The following ARHGAP10 variants were observed in gnomAD, a reference collection of about 807,000 sequenced individuals.
ARHGAP10 encodes Rho GTPase activating protein 10.
A neutral mutation model predicts 108.6 loss-of-function variants in ARHGAP10; 87 were observed. The observed-to-expected ratio is 0.80, with a 90% CI of 0.67 to 0.96. The LOEUF (loss-of-function observed/expected upper bound fraction) is 0.96. Ranked by LOEUF, ARHGAP10 falls within the 40% of genes least tolerant of loss-of-function variation. The pLI is 0.00. For synonymous variants in ARHGAP10, 347 were observed against 341.1 expected, an observed-to-expected ratio of 1.02 and a Z score of -0.19; for missense variants, 939 against 954.5, an observed-to-expected ratio of 0.98 and a Z score of 0.21.
chr4:147,879,927 T>C (rs1005339894), intron 9 of ARHGAP10, among the ~76,000 whole-genome samples: 2 of 152,240 alleles, frequency 1.3e-5, no homozygotes, highest in Non-Finnish European at 1.5e-5. Context: ...ACTGACTTGC[T>C]GTTCATAGCC....
intron 19 of ARHGAP10, among the ~76,000 whole-genome samples, chr4:148,032,153 A>ATATGAAAACTCAAAAAG (rs1728175290): frequency 6.6e-6 from 1 of 152,152 alleles, no homozygotes; most frequent in Admixed American, 6.5e-5. Flanking sequence ...ATATTACCAT[A>ATATGAAAACTCAAAAAG]TATGAAAACT....
At chr4:147,800,799 T>C (rs1203945493) in intron 1 of ARHGAP10, among the ~76,000 whole-genome samples, 1 of 152,184 alleles carries the variant, frequency 6.6e-6, no homozygotes, top group Non-Finnish European at 1.5e-5. Context: ...TTGTGCCTTG[T>C]CATTCATTAT....
At chr4:147,784,247 A>C (rs1444084811) in intron 1 of ARHGAP10, among the ~76,000 whole-genome samples, 1 of 113,604 alleles carries the variant, frequency 8.8e-6, no homozygotes, top group Non-Finnish European at 1.6e-5. Flanking sequence ...AATTTACATA[A>C]CATTAAATTG....
At chr4:147,774,823 A>G (rs1730222002) in intron 1 of ARHGAP10, among the ~76,000 whole-genome samples, 1 of 152,110 alleles carries the variant, frequency 6.6e-6, no homozygotes, top group Admixed American at 6.6e-5. Flanking sequence ...CAGAGTCTCA[A>G]CAGGACCCCC....
intron 10 of ARHGAP10, among the ~76,000 whole-genome samples, chr4:147,882,649 A>G (rs1199020763): frequency 2.0e-5 from 3 of 152,090 alleles, no homozygotes; most frequent in African/African-American, 4.8e-5. Context: ...CCTGTACGTG[A>G]TGGAGGGTCT....
intron 3 of ARHGAP10, among the ~76,000 whole-genome samples, chr4:147,842,974 C>G (rs1435937340): frequency 1.3e-5 from 2 of 152,212 alleles, no homozygotes; most frequent in Non-Finnish European, 2.9e-5. Flanking sequence ...TTCATTCATT[C>G]TTCAGTTAGT....
At chr4:147,748,908 G>C (rs1250317676) in intron 1 of ARHGAP10, among the ~76,000 whole-genome samples, 1 of 152,084 alleles carries the variant, frequency 6.6e-6, no homozygotes, top group Non-Finnish European at 1.5e-5. Flanking sequence ...GCAGTGAGCT[G>C]TGATCATGCC....
intron 18 of ARHGAP10, among the ~76,000 whole-genome samples, chr4:148,009,596 C>G (rs1464040704): frequency 6.6e-6 from 1 of 152,208 alleles, no homozygotes; most frequent in Admixed American, 6.5e-5. Flanking sequence ...GTTTCCCAGT[C>G]TGGAAGCCCT....
chr4:147,841,506 TC>T (rs1292763990), intron 3 of ARHGAP10, among the ~76,000 whole-genome samples: 1 of 152,218 alleles, frequency 6.6e-6, no homozygotes, highest in East Asian at 1.9e-4. Flanking sequence ...GATTTGGTAT[TC>T]ATTTGTTGCT....
intron 12 of ARHGAP10, 26 bp from the exon 13 acceptor site, chr4:147,913,048 T>C (rs756376827): frequency 5.0e-6 from 8 of 1,589,670 alleles, no homozygotes; most frequent in Non-Finnish European, 6.9e-6. Context: ...AATTGTACAC[T>C]TAATGTTTTA....
intron 7 of ARHGAP10, among the ~76,000 whole-genome samples, chr4:147,870,174 T>C (rs10010960): frequency 0.18 from 27,117 of 151,634 alleles, 3,734 homozygotes; most frequent in African/African-American, 0.38. Context: ...CCTGTAGTCC[T>C]AGTTCATGCC....
intron 16 of ARHGAP10, among the ~76,000 whole-genome samples, chr4:147,963,096 T>A (rs1457189751): frequency 6.6e-6 from 1 of 152,218 alleles, no homozygotes; most frequent in Non-Finnish European, 1.5e-5. Context: ...TTCATATCGC[T>A]TTCTTGCTTT....
In ARHGAP10 at chr4:147,839,142, A is replaced by ATCTATCTATCTG. The variant is rs374128534; in HGVS notation, c.313-8006_313-8005insATCTATCTGTCT. The stretch of plus-strand genomic sequence containing the variant: ...TATCTATCTATCTATCTATCTATCT[A>ATCTATCTATCTG]TCTGTCTGTCTGTCTATGTATATAT... On this transcript the variant is annotated intron_variant, in intron 3 of 22. Coordinates refer to ENST00000336498, the MANE Select transcript of ARHGAP10 (RefSeq NM_024605.4). 5.1e-3 allele frequency among the ~76,000 whole-genome samples: 605 copies of ATCTATCTATCTG among 117,840 alleles called. 36 individuals carry two copies. Among genetic ancestry groups the ATCTATCTATCTG allele is most frequent in the East Asian group, 8.1e-3 (32 of 3,956 alleles). 77.3% of individuals were successfully genotyped at this position (117,840 alleles called of 152,430 possible).
chr4:147,773,350 C>T (rs1013547551), intron 1 of ARHGAP10, among the ~76,000 whole-genome samples: 5 of 152,064 alleles, frequency 3.3e-5, no homozygotes, highest in Non-Finnish European at 5.9e-5. Flanking sequence ...ATATGCCTCA[C>T]GGGAAGAGAC....
At chr4:147,897,540 T>G (rs1411806716) in intron 10 of ARHGAP10, among the ~76,000 whole-genome samples, 1 of 152,208 alleles carries the variant, frequency 6.6e-6, no homozygotes, top group East Asian at 1.9e-4. Context: ...TTTAATGTAT[T>G]TTTTAGATAG....
chr4:147,817,072 A>G (rs947178543), intron 1 of ARHGAP10, among the ~76,000 whole-genome samples: 11 of 152,208 alleles, frequency 7.2e-5, no homozygotes, highest in Admixed American at 2.6e-4. Flanking sequence ...AAAAAGGGCT[A>G]TGGAATCTAT....
At position 147,921,974 on chromosome 4, in the gene ARHGAP10, C is replaced by T. The variant is rs190316328; in HGVS notation, c.1228+8835C>T. 1.1e-4 allele frequency among the ~76,000 whole-genome samples: 16 copies of T among 152,258 alleles called. No individual in the cohort carries two copies. The East Asian group carries it at 1.9e-3, about 18-fold the overall frequency. On this transcript the variant is annotated intron_variant, in intron 13 of 22. Transcript: ENST00000336498. ...TCTCATGATGGAGTCATCTGCTCTG[C>T]CCACATCTCTGGAAAAAGATAATGG...
intron 4 of ARHGAP10, 97 bp downstream of exon 4, chr4:147,847,319 G>A: frequency 9.2e-7 from 1 of 1,087,614 alleles, no homozygotes; most frequent in Non-Finnish European, 1.4e-6. Flanking sequence ...GGAGATGCCG[G>A]AGCAAACCAT....
In ARHGAP10 at chr4:147,875,103, G is replaced by A. The variant is rs747104670; in HGVS notation, c.785G>A (p.Arg262Gln). The A allele has an allele frequency of 2.2e-5, 35 of 1,607,310 alleles. 1 individual carries two copies. Among genetic ancestry groups the A allele is most frequent in the South Asian group, 1.9e-4 (17 of 89,526 alleles). The part of the protein sequence containing the change: ...KIRQNPKDHK[R>Q]ASQFTAEGYL... Reference sequence around the variant, plus strand: ...AGACAGAATCCCAAGGACCACAAACGAGCAAGTCAGTTTACAGCCGAAGGC... The same window carrying A: ...AGACAGAATCCCAAGGACCACAAACAAGCAAGTCAGTTTACAGCCGAAGGC... Residue 262 changes from arginine to glutamine, a missense_variant, in exon 8 of 23, where the codon CGA becomes CAA. Arg to Gln is a conservative substitution (Grantham distance 43). Coordinates refer to ENST00000336498, the MANE Select transcript of ARHGAP10 (RefSeq NM_024605.4).
Sources: allele counts gnomAD v4.1 joint callset (sites outside exome capture counted in the v4.1 genomes callset), GRCh38; gene constraint gnomAD v4.1.1; transcripts MANE v1.5; gene names NCBI Gene and HGNC (gene_info 2026-07-23, HGNC 2026-07-21).